Variants in GRHL3 observed in about 807,000 individuals in gnomAD.
The protein encoded by GRHL3 is grainyhead like transcription factor 3.
Under a neutral mutation model 70.3 loss-of-function variants are expected in GRHL3, and 20 were observed. The ratio of observed to expected loss-of-function variants is 0.28; its 90% CI spans 0.20 to 0.41. The LOEUF (loss-of-function observed/expected upper bound fraction) is 0.41, where lower values mean the gene tolerates loss of function less well. Among genes scored for constraint, GRHL3 ranks in the 10% least tolerant of loss-of-function variants. The pLI, the probability that GRHL3 is intolerant of heterozygous loss-of-function variation, is 1.00. For synonymous variants in GRHL3, 299 were observed against 299.9 expected, an observed-to-expected ratio of 1.00 and a Z score of 0.03; for missense variants, 637 against 762.3, an observed-to-expected ratio of 0.84 and a Z score of 1.94.
rs183881241 is a variant in GRHL3 at position 24,322,424 on chromosome 1, T to C, written c.17+2856T>C. ...GGAACGCCTCCCCGCTGTGGTTTTG[T>C]GGTCGAAACCATGATTGCCAGGAGC... On this transcript the variant is annotated intron_variant, in intron 1 of 15. Transcript: ENST00000361548. This position sits in a 1 kb window ranked among gnomAD's most constrained non-coding sequence, Gnocchi z 4.4. Among the ~76,000 whole-genome samples, 1 of 152,336 alleles carries C rather than the reference T, an allele frequency of 6.6e-6. No homozygotes were observed. The highest frequency in any genetic ancestry group is 1.9e-4 in the East Asian group (1 of 5,182).
At chr1:24,337,543 T>G (rs2148656757) in intron 5 of GRHL3, 93 bp from the exon 6 acceptor site, 1 of 1,340,668 alleles carries the variant, frequency 7.5e-7, no homozygotes, top group East Asian at 2.3e-5. Context: ...ACAGCAAGTC[T>G]GTAACATAGC....
chr1:24,337,107 C>T lies in GRHL3; in HGVS notation c.642C>T (p.Thr214=). The T allele has an allele frequency of 6.2e-7, 1 of 1,614,142 alleles. No individual in the cohort carries two copies. Among genetic ancestry groups the T allele is most frequent in the Non-Finnish European group, 8.5e-7 (1 of 1,180,008 alleles). Residue 214 remains threonine, a synonymous_variant, in exon 5 of 16, where the codon ACC becomes ACT. Coordinates refer to ENST00000361548, the MANE Select transcript of GRHL3 (RefSeq NM_198173.3). ...ESMLFPDILK[T]SPEPPCPEDY... ...TGCTCTTCCCAGATATCCTGAAAAC[C>T]TCCCCGGAACCCCCATGTCCAGAGG...
intron 15 of GRHL3, among the ~76,000 whole-genome samples, chr1:24,353,824 A>G (rs78135891): frequency 0.059 from 8,900 of 151,920 alleles, 469 homozygotes; most frequent in African/African-American, 0.13. Context: ...CCTGGAGAAT[A>G]TGGGGAGAGA....
chr1:24,323,068 T>C, intron 1 of GRHL3: 1 of 1,549,582 alleles, frequency 6.5e-7, no homozygotes, highest in Non-Finnish European at 8.7e-7. Flanking sequence ...TTAAGAGTGG[T>C]TATTTCTGAG....
chr1:24,355,347 G>C (rs1465610564), downstream of GRHL3: 2 of 152,510 alleles, frequency 1.3e-5, no homozygotes, highest in Non-Finnish European at 2.9e-5. Context: ...TTCCTTTTGG[G>C]AGAGTCTGCT....
At chr1:24,361,478 C>A (rs1641112603) in intron 15 of GRHL3, among the ~76,000 whole-genome samples, 1 of 152,060 alleles carries the variant, frequency 6.6e-6, no homozygotes, top group Non-Finnish European at 1.5e-5. Flanking sequence ...GGGAAGAGGC[C>A]TTAGTGACCC....
chr1:24,349,402 G>A (rs1250299351), intron 14 of GRHL3, among the ~76,000 whole-genome samples: 1 of 152,232 alleles, frequency 6.6e-6, no homozygotes, highest in Admixed American at 6.5e-5. Context: ...CGGCCTAAAA[G>A]GGGGAGATGT....
At chr1:24,361,985 T>C (rs937690818) in intron 15 of GRHL3, among the ~76,000 whole-genome samples, 9 of 152,170 alleles carry the variant, frequency 5.9e-5, no homozygotes, top group Admixed American at 5.2e-4. Context: ...CTCCCAACCA[T>C]GTAATAGAAG....
At chr1:24,335,637 C>T (rs1481354137) in intron 3 of GRHL3, among the ~76,000 whole-genome samples, 3 of 149,810 alleles carry the variant, frequency 2.0e-5, no homozygotes, top group African/African-American at 7.4e-5. Flanking sequence ...GGCTGGAGTG[C>T]AGTGGCGCGG....
In GRHL3 at chr1:24,331,485, C is replaced by T. The variant is rs1639612146; in HGVS notation, c.77C>T (p.Thr26Ile). The change falls in exon 2 of 16, where the codon ACT becomes ATT. Residue 26 changes from threonine to isoleucine, a missense_variant. Thr to Ile is a moderately conservative substitution (Grantham distance 89, BLOSUM62 -1). This residue lies in a region of GRHL3 where 250 missense variants were observed against 248.6 expected (regional missense o/e 1.01). Transcript: ENST00000361548. ...GTCAACTTGCAGAAATTCTCTTACACTAGTGAGGATGAGGCCTGGAAGACG... is the reference window on the plus strand; with the variant it reads ...GTCAACTTGCAGAAATTCTCTTACATTAGTGAGGATGAGGCCTGGAAGACG... Reference protein sequence around the residue: ...DPVNLQKFSYTSEDEAWKTYL... With the variant: ...DPVNLQKFSYISEDEAWKTYL... 1.9e-6 allele frequency: 3 copies of T among 1,613,984 alleles called. No homozygotes were observed. Among genetic ancestry groups the T allele is most frequent in the Admixed American group, 1.7e-5 (1 of 59,996 alleles).
downstream of GRHL3, chr1:24,358,459 T>C: frequency 2.6e-6 from 3 of 1,176,232 alleles, no homozygotes; most frequent in Admixed American, 1.7e-5. Flanking sequence ...ACACTCATGA[T>C]CGGTCTCCTC....
At chr1:24,357,046 G>T (rs565296940), downstream of GRHL3, 4 of 117,314 alleles carry the variant, frequency 3.4e-5, no homozygotes, top group Admixed American at 8.4e-5. Flanking sequence ...TAAAATTAAG[G>T]CCCCCCCCCC....
chr1:24,360,863 G>T (rs1457696466), intron 15 of GRHL3: 1 of 1,612,530 alleles, frequency 6.2e-7, no homozygotes, highest in South Asian at 1.1e-5. Flanking sequence ...GGGCCAGGCA[G>T]GCCTGGCTGA....
At chr1:24,328,598 A>G (rs995024862) in intron 1 of GRHL3, among the ~76,000 whole-genome samples, 1 of 152,232 alleles carries the variant, frequency 6.6e-6, no homozygotes, top group Non-Finnish European at 1.5e-5. Context: ...TCACAGCATC[A>G]AAGCTGATAA....
chr1:24,338,569 C>G (rs927394241), intron 7 of GRHL3, among the ~76,000 whole-genome samples: 1 of 152,242 alleles, frequency 6.6e-6, no homozygotes, highest in Admixed American at 6.5e-5. Flanking sequence ...TTCTGGCTCC[C>G]TTACTCCCTT....
At chr1:24,347,293 A>G (rs1180466240) in intron 13 of GRHL3, among the ~76,000 whole-genome samples, 175 bp from the exon 14 acceptor site, 7 of 152,172 alleles carry the variant, frequency 4.6e-5, no homozygotes, top group Non-Finnish European at 1.0e-4. Context: ...ACCCCCACAT[A>G]AGCACAGCTT....
intron 1 of GRHL3, among the ~76,000 whole-genome samples, chr1:24,326,803 T>C (rs1028548809): frequency 1.3e-5 from 2 of 152,200 alleles, no homozygotes. Flanking sequence ...GGCCAGACCC[T>C]AGGAGTCCTG....
At chr1:24,361,102 T>C in intron 15 of GRHL3, 1 of 1,457,472 alleles carries the variant, frequency 6.9e-7, no homozygotes, top group Non-Finnish European at 9.3e-7. Flanking sequence ...AGGCACAGTT[T>C]CTAGACACAG....
chr1:24,352,611 C>T (rs1023505495), intron 15 of GRHL3, among the ~76,000 whole-genome samples: 3 of 152,212 alleles, frequency 2.0e-5, no homozygotes, highest in Non-Finnish European at 4.4e-5. Context: ...GAAGGCCCTG[C>T]TAGGGAGTGG....
Sources: allele counts gnomAD v4.1 joint callset (sites outside exome capture counted in the v4.1 genomes callset), GRCh38; gene constraint gnomAD v4.1.1; regional missense constraint gnomAD v4.1.1; non-coding constraint Gnocchi (gnomAD v3.1); transcripts MANE v1.5; gene names NCBI Gene and HGNC (gene_info 2026-07-23, HGNC 2026-07-21).